The following FGF12 variants were observed in gnomAD, a reference collection of about 807,000 sequenced individuals.
The protein encoded by FGF12 is fibroblast growth factor 12.
Under a neutral mutation model 23.6 loss-of-function variants are expected in FGF12, and 14 were observed. The observed-to-expected ratio is 0.59, with a 90% CI of 0.39 to 0.93. The LOEUF is 0.93. Ranked by LOEUF, FGF12 falls within the 40% of genes least tolerant of loss-of-function variation. The pLI is 0.00. For synonymous variants in FGF12, 62 were observed against 77.3 expected (o/e 0.80, Z 1.04); for missense variants, 175 against 217.8 (o/e 0.80, Z 1.24).
chr3:192,551,950 T>C (rs1320457443), intron 2 of FGF12, among the ~76,000 whole-genome samples: 1 of 151,974 alleles, frequency 6.6e-6, no homozygotes, highest in Non-Finnish European at 1.5e-5. Context: ...TGGATAAATA[T>C]AGATATATAG....
chr3:192,222,097 T>C (rs1258453129), intron 4 of FGF12, among the ~76,000 whole-genome samples: 1 of 152,046 alleles, frequency 6.6e-6, no homozygotes, highest in Non-Finnish European at 1.5e-5. Context: ...CTAGAGAGAA[T>C]ACAAGTAAAT....
intron 2 of FGF12, among the ~76,000 whole-genome samples, chr3:192,423,431 T>C (rs1409626525): frequency 6.6e-6 from 1 of 152,162 alleles, no homozygotes; most frequent in Non-Finnish European, 1.5e-5. Flanking sequence ...CATTCTAATG[T>C]ATAACTGCTG....
chr3:192,672,272 C>T (rs1717151315), intron 2 of FGF12, among the ~76,000 whole-genome samples: 1 of 151,148 alleles, frequency 6.6e-6, no homozygotes, highest in African/African-American at 2.4e-5. Flanking sequence ...GAGGGCAACT[C>T]TGGATTTTTA....
chr3:192,232,971 G>A (rs1719102448), intron 4 of FGF12, among the ~76,000 whole-genome samples: 1 of 152,134 alleles, frequency 6.6e-6, no homozygotes, highest in Non-Finnish European at 1.5e-5. Flanking sequence ...CATCTAGGTT[G>A]ATTCCATGTC....
chr3:192,408,869 C>T lies in FGF12; in HGVS notation c.14-48331G>A, dbSNP rs1721079005. The T allele has an allele frequency of 9.1e-6, 9 of 985,462 alleles. No individual in the cohort carries two copies. Among genetic ancestry groups the T allele is most frequent in the Non-Finnish European group, 1.1e-5 (9 of 830,006 alleles). 61.0% of individuals were successfully genotyped at this position (985,462 alleles called of 1,614,324 possible). On this transcript the variant is annotated intron_variant, in intron 2 of 5. Transcript: ENST00000445105. The surrounding 1 kb of genome is among the most constrained non-coding windows in gnomAD (Gnocchi z 7.3). ...GGTTCTGAAGATTAGGAGGTCCGTC[C>T]CAGCAGGGTGAGGTCTACAGAATGC... is the stretch of plus-strand genomic sequence containing the variant.
chr3:192,183,170 G>A (rs1225480982), intron 4 of FGF12, among the ~76,000 whole-genome samples: 1 of 151,938 alleles, frequency 6.6e-6, no homozygotes, highest in Non-Finnish European at 1.5e-5. Context: ...CCTTTTTATG[G>A]ATCTGGAGAG....
chr3:192,398,511 G>A (rs1178932079), intron 2 of FGF12, among the ~76,000 whole-genome samples: 4 of 151,696 alleles, frequency 2.6e-5, no homozygotes, highest in African/African-American at 4.8e-5. Flanking sequence ...AGCCTCCCAA[G>A]TAGCTGGGAT....
At chr3:192,203,551 A>G (rs1158223346) in intron 4 of FGF12, among the ~76,000 whole-genome samples, 1 of 146,310 alleles carries the variant, frequency 6.8e-6, no homozygotes, top group Non-Finnish European at 1.5e-5. Flanking sequence ...ACAAGCTTAC[A>G]CTCTTTTTTC....
rs528589778 is a variant in FGF12 at position 192,726,541 on chromosome 3, G to A, written c.13+640C>T. On this transcript the variant is annotated intron_variant, in intron 2 of 5. Coordinates refer to ENST00000445105, the MANE Select transcript of FGF12 (RefSeq NM_004113.6). Reference sequence around the variant, plus strand: ...GCATACATTATGCAGATTTGCTTATGAGGAGAACATTAATATGTACATGTC... The same window carrying A: ...GCATACATTATGCAGATTTGCTTATAAGGAGAACATTAATATGTACATGTC... Among the ~76,000 whole-genome samples, 92 of 152,206 alleles carry A rather than the reference G, an allele frequency of 6.0e-4. 1 individual carries two copies. The highest frequency in any genetic ancestry group is 1.1e-3 in the Non-Finnish European group (74 of 68,038).
intron 2 of FGF12, among the ~76,000 whole-genome samples, chr3:192,636,172 CTTATATG>C (rs1157678817): frequency 2.0e-5 from 3 of 152,100 alleles, no homozygotes; most frequent in Non-Finnish European, 4.4e-5. Flanking sequence ...AGAAACTCAC[CTTATATG>C]TTATATAACT....
chr3:192,678,958 G>A (rs1158949030), intron 2 of FGF12, among the ~76,000 whole-genome samples: 1 of 152,108 alleles, frequency 6.6e-6, no homozygotes, highest in Non-Finnish European at 1.5e-5. Flanking sequence ...TCTGACTCAG[G>A]GGTTATGCGG....
intron 2 of FGF12, among the ~76,000 whole-genome samples, chr3:192,689,927 T>C (rs1354734920): frequency 1.3e-5 from 2 of 151,808 alleles, no homozygotes; most frequent in African/African-American, 4.8e-5. Flanking sequence ...GCAAATCACA[T>C]ACAAGTGAAT....
chr3:192,159,943 AGT>A (rs10575323), intron 5 of FGF12, among the ~76,000 whole-genome samples: 45,260 of 149,026 alleles, frequency 0.3, 8,184 homozygotes, highest in Non-Finnish European at 0.42. Context: ...ATATTTAAGT[AGT>A]GTGTGTGTGT....
chr3:192,623,597 C>G (rs1715053338), intron 2 of FGF12, among the ~76,000 whole-genome samples: 1 of 152,270 alleles, frequency 6.6e-6, no homozygotes, highest in Non-Finnish European at 1.5e-5. Context: ...AAGAGCAAGG[C>G]TCTATGAATG....
rs1011153342 is a variant in FGF12, at chr3:192,627,719, A to C, written c.13+99462T>G. ...CATGCAACTGTAAGAAATAATGTAGAGAGAACCCGTGTATACTTTACGTAG... is the reference window on the plus strand; with the variant it reads ...CATGCAACTGTAAGAAATAATGTAGCGAGAACCCGTGTATACTTTACGTAG... On this transcript the variant is annotated intron_variant, in intron 2 of 5. Transcript: ENST00000445105. 2.0e-5 allele frequency among the ~76,000 whole-genome samples: 3 copies of C among 152,212 alleles called. No individual in the cohort carries two copies. The South Asian group carries it at 6.2e-4, about 32-fold the overall frequency.
At chr3:192,558,881 G>A (rs563569753) in intron 2 of FGF12, among the ~76,000 whole-genome samples, 58 of 151,868 alleles carry the variant, frequency 3.8e-4, no homozygotes, top group African/African-American at 1.3e-3. Flanking sequence ...AATAGTGTTG[G>A]GAAAATGGAA....
intron 2 of FGF12, among the ~76,000 whole-genome samples, chr3:192,576,112 C>G (rs1381426442): frequency 6.6e-6 from 1 of 152,064 alleles, no homozygotes; most frequent in Non-Finnish European, 1.5e-5. Context: ...GGAGGTCAGG[C>G]AATTGAATGA....
intron 4 of FGF12, among the ~76,000 whole-genome samples, chr3:192,291,451 C>T (rs1714754837): frequency 1.3e-5 from 2 of 152,010 alleles, no homozygotes; most frequent in Admixed American, 1.3e-4. Flanking sequence ...GGTGTGGTGG[C>T]ACACACCTGT....
intron 2 of FGF12, among the ~76,000 whole-genome samples, chr3:192,632,118 A>G (rs1169562679): frequency 6.6e-6 from 1 of 152,190 alleles, no homozygotes; most frequent in Non-Finnish European, 1.5e-5. Context: ...TTCTCCTGGA[A>G]TTCCATATTA....
Sources: gnomAD v4.1 joint callset for allele counts (sites outside exome capture counted in the v4.1 genomes callset) on GRCh38, gnomAD v4.1.1 for gene constraint, Gnocchi (gnomAD v3.1) non-coding constraint, MANE v1.5 for transcripts, NCBI Gene and HGNC (gene_info 2026-07-23, HGNC 2026-07-21) for gene names.